The following PCM1 variants were observed in gnomAD, a reference collection of about 807,000 sequenced individuals.
PCM1 encodes the protein pericentriolar material 1.
Under a neutral mutation model 241.9 loss-of-function variants are expected in PCM1, and 157 were observed. That is an observed-to-expected ratio of 0.65 (90% CI 0.57 to 0.74). The LOEUF (loss-of-function observed/expected upper bound fraction) is 0.74. Among genes scored for constraint, PCM1 ranks in the 30% least tolerant of loss-of-function variants. PCM1 has a pLI of 0.00. For missense variants in PCM1, 3,478 were observed against 2,360.1 expected, an observed-to-expected ratio of 1.47 and a Z score of -9.81; for synonymous variants, 1,085 against 784.9, an observed-to-expected ratio of 1.38 and a Z score of -6.39.
intron 2 of PCM1, among the ~76,000 whole-genome samples, chr8:17,928,790 C>A (rs539197650): frequency 1.3e-5 from 2 of 152,080 alleles, no homozygotes; most frequent in Admixed American, 1.3e-4. Flanking sequence ...TGCCACCATA[C>A]CTGGCTAATT....
rs1048869055 is a variant in PCM1, at chr8:17,952,704, G to C, written c.1072-266G>C. On this transcript the variant is annotated intron_variant, in intron 8 of 38. Coordinates refer to ENST00000325083, the MANE Select transcript of PCM1 (RefSeq NM_006197.4). The stretch of plus-strand genomic sequence containing the variant: ...CAGATACTACACCATTTTATATAAG[G>C]GATTTGGGTATCTGTTGTTTTTGGT... Among the ~76,000 whole-genome samples, 10 of 152,206 alleles carry C rather than the reference G, an allele frequency of 6.6e-5. No homozygotes were observed. In the East Asian group the frequency reaches 1.9e-3, roughly 29 times the overall value.
At position 18,006,292 on chromosome 8, in the gene PCM1, G is replaced by C; in HGVS notation, c.4857G>C (p.Gln1619His). The C allele has an allele frequency of 1.2e-6, 2 of 1,611,750 alleles. No homozygotes were observed. Among genetic ancestry groups the C allele is most frequent in the Non-Finnish European group, 1.7e-6 (2 of 1,178,322 alleles). ...ACATGGATGAAGTATGCTCCTCGCA[G>C]CTTCTAACTTCAGTAAGGCGCATGG... is the stretch of plus-strand genomic sequence containing the variant. ...KEHMDEVCSS[Q>H]LLTSVRRMVL... The change falls in exon 30 of 39, where the codon CAG becomes CAC. Residue 1619 changes from glutamine (Q) to histidine (H), a missense_variant. Physicochemically the swap from Gln to His is conservative, Grantham distance 24. Coordinates refer to ENST00000325083, the MANE Select transcript of PCM1 (RefSeq NM_006197.4).
At chr8:17,997,129 C>A (rs143114851) in intron 29 of PCM1, among the ~76,000 whole-genome samples, 3 of 151,904 alleles carry the variant, frequency 2.0e-5, no homozygotes, top group Non-Finnish European at 4.4e-5. Context: ...AGTATTTCTC[C>A]TTCGTGTTTG....
intron 36 of PCM1, chr8:18,015,551 G>T (rs190380643): frequency 4.6e-5 from 7 of 152,098 alleles, no homozygotes; most frequent in African/African-American, 9.6e-5. Flanking sequence ...TGCAAACCAA[G>T]CAAATAATTT....
At chr8:17,924,262 A>T (rs1191045674) in intron 1 of PCM1, among the ~76,000 whole-genome samples, 2 of 152,200 alleles carry the variant, frequency 1.3e-5, no homozygotes, top group African/African-American at 4.8e-5. Flanking sequence ...TTTTGAATTG[A>T]AGGTAAACCT....
chr8:17,966,592 C>A lies in PCM1; in HGVS notation c.3221+119C>A, dbSNP rs1483237575. 27 of 794,012 alleles carry A rather than the reference C, an allele frequency of 3.4e-5. No individual in the cohort carries two copies. In the East Asian group the frequency reaches 5.1e-4, roughly 15 times the overall value. The allele number at this position is 794,012 out of a possible 1,614,324, so 49.2% of individuals were successfully genotyped here. ...ATTGCATATTTGGACATTCTCTTTC[C>A]CTTGAGAATTTTATAAGTGGTGATT... On this transcript the variant is annotated intron_variant, in intron 20 of 38. Coordinates refer to ENST00000325083, the MANE Select transcript of PCM1 (RefSeq NM_006197.4).
intron 36 of PCM1, among the ~76,000 whole-genome samples, chr8:18,018,121 C>G (rs1039554836): frequency 2.6e-5 from 4 of 152,178 alleles, no homozygotes; most frequent in African/African-American, 9.7e-5. Flanking sequence ...GTGAACCAGT[C>G]TAAATGACAG....
At chr8:17,961,215 G>T (rs1435511740) in intron 15 of PCM1, among the ~76,000 whole-genome samples, 1 of 148,960 alleles carries the variant, frequency 6.7e-6, no homozygotes, top group African/African-American at 2.5e-5. Context: ...CAGAAAATAA[G>T]ATATCTTTGG....
At chr8:17,951,375 A>G (rs1381961137) in intron 8 of PCM1, among the ~76,000 whole-genome samples, 1 of 152,214 alleles carries the variant, frequency 6.6e-6, no homozygotes, top group Non-Finnish European at 1.5e-5. Context: ...TTGGAGAGTT[A>G]TATAGCAGTA....
intron 2 of PCM1, among the ~76,000 whole-genome samples, chr8:17,932,793 CTTAA>C (rs1362969717): frequency 1.3e-5 from 2 of 151,974 alleles, no homozygotes; most frequent in African/African-American, 2.4e-5. Context: ...TTTTTAAAAT[CTTAA>C]TTGATGTTTA....
chr8:17,965,461 A>G (rs2074476016), intron 18 of PCM1, among the ~76,000 whole-genome samples: 1 of 152,212 alleles, frequency 6.6e-6, no homozygotes, highest in Non-Finnish European at 1.5e-5. Context: ...ACAGATAGAT[A>G]TTTTATTATA....
intron 2 of PCM1, chr8:17,934,641 T>G (rs1585768812): frequency 6.6e-6 from 1 of 152,142 alleles, no homozygotes; most frequent in Middle Eastern, 3.4e-3. Context: ...CTTTTGTGTG[T>G]AGTTTAATGA....
In PCM1 at chr8:17,972,580, CAAG is replaced by C; in HGVS notation, c.3839_3841del (p.Arg1280del). 2 of 1,613,570 alleles carry C rather than the reference CAAG, an allele frequency of 1.2e-6. No individual in the cohort carries two copies. The highest frequency in any genetic ancestry group is 1.7e-6 in the Non-Finnish European group (2 of 1,179,688). On this transcript the variant is annotated inframe_deletion, in exon 23 of 39. Coordinates refer to ENST00000325083, the MANE Select transcript of PCM1 (RefSeq NM_006197.4). ...ACAACAGTGACTAAAACATTCAAGA[CAAG>C]AAAAGCGTCTGCACAGGCCAGCCTG...
At chr8:18,019,537 G>C (rs756281315) in intron 36 of PCM1, among the ~76,000 whole-genome samples, 1 of 152,164 alleles carries the variant, frequency 6.6e-6, no homozygotes, top group Non-Finnish European at 1.5e-5. Flanking sequence ...CCTGAAACTA[G>C]ATGGTCATAT....
chr8:17,959,194 T>C (rs2070382760), intron 13 of PCM1, among the ~76,000 whole-genome samples: 1 of 152,130 alleles, frequency 6.6e-6, no homozygotes. Context: ...CTAAGTATTA[T>C]TTTATAGCTT....
In PCM1 at chr8:17,952,947, T is replaced by G; in HGVS notation, c.1072-23T>G. 2.8e-6 allele frequency: 4 copies of G among 1,436,808 alleles called. No homozygotes were observed. In the South Asian group the frequency reaches 4.0e-5, roughly 14 times the overall value. The allele number at this position is 1,436,808 out of a possible 1,614,324, so 89.0% of individuals were successfully genotyped here. On this transcript the variant is annotated intron_variant, in intron 8 of 38. Coordinates refer to ENST00000325083, the MANE Select transcript of PCM1 (RefSeq NM_006197.4). ...AATTGCGTTAGTCTTAATTCTTCTT[T>G]TTTGTTGTTTTTTTTTAATAAGCCT... is the stretch of plus-strand genomic sequence containing the variant.
intron 21 of PCM1, 22 bp from the exon 22 acceptor site, chr8:17,969,555 A>G (rs2076168576): frequency 2.0e-6 from 3 of 1,507,816 alleles, no homozygotes; most frequent in Non-Finnish European, 2.7e-6. Flanking sequence ...TTTTTCTCTT[A>G]CCCATTGCTT....
intron 22 of PCM1, among the ~76,000 whole-genome samples, chr8:17,970,075 T>C (rs1197383852): frequency 1.3e-5 from 2 of 152,186 alleles, no homozygotes; most frequent in Non-Finnish European, 2.9e-5. Flanking sequence ...AGATAGTTGT[T>C]AAGTGATGAT....
chr8:17,936,343 T>C (rs1004982372), intron 3 of PCM1, among the ~76,000 whole-genome samples: 3 of 152,162 alleles, frequency 2.0e-5, no homozygotes, highest in African/African-American at 7.2e-5. Context: ...AAGGGGGTTT[T>C]GTTAAAATAA....
Sources: allele counts gnomAD v4.1 joint callset (sites outside exome capture counted in the v4.1 genomes callset), GRCh38; gene constraint gnomAD v4.1.1; transcripts MANE v1.5; gene names NCBI Gene and HGNC (gene_info 2026-07-23, HGNC 2026-07-21).